ZNF808: variants seen among roughly 807,000 people sequenced by gnomAD.
The protein encoded by ZNF808 is zinc finger protein 808.
Under a neutral mutation model 8.7 loss-of-function variants are expected in ZNF808, and 5 were observed. The ratio of observed to expected loss-of-function variants is 0.58; its 90% confidence interval spans 0.30 to 1.21. The LOEUF (loss-of-function observed/expected upper bound fraction) is 1.21. Among genes scored for constraint, ZNF808 ranks in the 50% most tolerant of loss-of-function variants. The pLI is 0.07. For synonymous variants in ZNF808, 380 were observed against 366.0 expected, an observed-to-expected ratio of 1.04 and a Z score of -0.44; for missense variants, 1,103 against 1,098.4, an observed-to-expected ratio of 1.00 and a Z score of -0.06.
intron 2 of ZNF808, among the ~76,000 whole-genome samples, chr19:52,542,171 G>T (rs1414994549): frequency 2.6e-5 from 4 of 151,374 alleles, no homozygotes; most frequent in Admixed American, 2.0e-4. Flanking sequence ...TCAGTTCACT[G>T]CAACTTCTGA....
intron 2 of ZNF808, among the ~76,000 whole-genome samples, chr19:52,542,965 G>T (rs563821461): frequency 7.9e-5 from 12 of 151,064 alleles, no homozygotes; most frequent in African/African-American, 1.5e-4. Context: ...TTTTGGGGGG[G>T]GGGTGGAGGC....
At chr19:52,556,837 T>G (rs1243706688), downstream of ZNF808, 2 of 152,192 alleles carry the variant, frequency 1.3e-5, no homozygotes, top group Non-Finnish European at 2.9e-5. Context: ...TTATGTCATT[T>G]GTTAAAATCT....
intron 2 of ZNF808, among the ~76,000 whole-genome samples, chr19:52,541,269 G>A (rs1009981299): frequency 1.6e-4 from 24 of 148,418 alleles, no homozygotes; most frequent in Non-Finnish European, 2.5e-4. Context: ...TTTTTAAACC[G>A]TTTTTAAATA....
chr19:52,565,444 C>G (rs551911873), downstream of ZNF808, among the ~76,000 whole-genome samples: 3 of 152,066 alleles, frequency 2.0e-5, no homozygotes, highest in Non-Finnish European at 4.4e-5. Flanking sequence ...AGGACTAAAC[C>G]AAAAATCTAC....
intron 3 of ZNF808, among the ~76,000 whole-genome samples, chr19:52,546,402 G>T (rs112043837): frequency 4.9e-4 from 75 of 152,114 alleles, no homozygotes; most frequent in East Asian, 4.6e-3. Flanking sequence ...TCCCAGGCGG[G>T]TCTCAAACTC....
chr19:52,557,287 A>G (rs758891004), downstream of ZNF808, among the ~76,000 whole-genome samples: 5 of 133,598 alleles, frequency 3.7e-5, no homozygotes, highest in Admixed American at 7.9e-5. Context: ...TTTTTTTGAG[A>G]TGGAGTTTTG....
At chr19:52,546,069 T>C (rs1427413918) in intron 3 of ZNF808, among the ~76,000 whole-genome samples, 1 of 152,240 alleles carries the variant, frequency 6.6e-6, no homozygotes, top group African/African-American at 2.4e-5. Flanking sequence ...AGTACAGATC[T>C]TTCTTCATGG....
chr19:52,553,035 C>T (rs1179985212), intron 4 of ZNF808, 72 bp from the exon 5 acceptor site: 12 of 1,422,218 alleles, frequency 8.4e-6, no homozygotes, highest in Admixed American at 8.0e-5. Flanking sequence ...TTTTTTGTGT[C>T]ATATTTACAC....
At chr19:52,542,157 G>C (rs2059677362) in intron 2 of ZNF808, among the ~76,000 whole-genome samples, 1 of 151,422 alleles carries the variant, frequency 6.6e-6, no homozygotes, top group Non-Finnish European at 1.5e-5. Flanking sequence ...GCAATGCCAC[G>C]ATCTCAGTTC....
chr19:52,561,192 CT>C (rs2059856011), downstream of ZNF808, among the ~76,000 whole-genome samples: 1 of 67,374 alleles, frequency 1.5e-5, no homozygotes, highest in East Asian at 3.3e-4. Flanking sequence ...CTCTCTCTCT[CT>C]CTCTCTCTCT....
At chr19:52,546,792 C>T (rs1321604694) in intron 3 of ZNF808, among the ~76,000 whole-genome samples, 1 of 149,574 alleles carries the variant, frequency 6.7e-6, no homozygotes, top group Admixed American at 6.7e-5. Context: ...TACAGGCCTG[C>T]GCCACAACAC....
At chr19:52,564,436 T>C (rs1033098718) in exon 4 of ZNF808, 1 of 279,496 alleles carries the variant, frequency 3.6e-6, no homozygotes, top group Non-Finnish European at 6.6e-6. Flanking sequence ...AAAAAAAATT[T>C]TAATGACATA....
At chr19:52,532,230 A>AT (rs988813801) in intron 1 of ZNF808, among the ~76,000 whole-genome samples, 236 of 145,694 alleles carry the variant, frequency 1.6e-3, no homozygotes, top group Middle Eastern at 3.6e-3. Flanking sequence ...TTGTATTAAC[A>AT]TTTTTTTTTT....
chr19:52,564,364 T>A lies in ZNF808; in HGVS notation c.*1469T>A, dbSNP rs146834913. ...GGGAATATATTTTTTTCTCTCTGAA[T>A]CTGTTATGAACGCATTGGTTGGGTG... On this transcript the variant is annotated 3_prime_UTR_variant and NMD_transcript_variant, in exon 4 of 4. Transcript: ENST00000487863. The A allele has an allele frequency of 1.9e-3, 996 of 521,460 alleles. 13 individuals are homozygous for A. The highest frequency in any genetic ancestry group is 0.018 in the African/African-American group (926 of 50,560). 32.3% of individuals were successfully genotyped at this position (521,460 alleles called of 1,614,324 possible).
chr19:52,533,878 A>G (rs1438256810), intron 2 of ZNF808, among the ~76,000 whole-genome samples: 1 of 150,994 alleles, frequency 6.6e-6, no homozygotes, highest in African/African-American at 2.4e-5. Context: ...GGCAAGCAAC[A>G]AGATAGATTG....
In ZNF808 at chr19:52,554,336, A is replaced by G; in HGVS notation, c.1420A>G (p.Arg474Gly). ...FTCNSQLARH[R>G]RIHTGEKTYK... is the part of the protein sequence containing the mutation. ...GTGTAATTCACAGCTGGCACGACAT[A>G]GAAGAATTCACACTGGAGAGAAAAC... Residue 474 changes from arginine (R) to glycine (G), a missense_variant, in exon 5 of 5, where the codon AGA (arginine) becomes GGA (glycine). Physicochemically the swap from Arg to Gly is moderately radical, Grantham distance 125. Transcript: ENST00000359798. The G allele has an allele frequency of 1.2e-6, 2 of 1,614,064 alleles. No homozygotes were observed. The highest frequency in any genetic ancestry group is 4.5e-5 in the East Asian group (2 of 44,836).
chr19:52,554,261 C>G lies in ZNF808; in HGVS notation c.1345C>G (p.His449Asp). 1 of 1,614,052 alleles carries G rather than the reference C, an allele frequency of 6.2e-7. No individual in the cohort carries two copies. The highest frequency in any genetic ancestry group is 8.5e-7 in the Non-Finnish European group (1 of 1,179,986). Residue 449 changes from histidine (H) to aspartate (D), a missense_variant, in exon 5 of 5, where the codon CAT (histidine) becomes GAT (aspartate). By Grantham distance (81) the His-to-Asp change is moderately conservative. Transcript: ENST00000359798. ...KSTLERHKRI[H>D]TGEKPYKCKV... Reference sequence around the variant, plus strand: ...AACCCTTGAGAGACATAAGAGAATTCATACTGGAGAGAAACCATACAAATG... The same window carrying G: ...AACCCTTGAGAGACATAAGAGAATTGATACTGGAGAGAAACCATACAAATG...
At chr19:52,552,598 A>G (rs1038775687) in intron 4 of ZNF808, among the ~76,000 whole-genome samples, 2 of 150,694 alleles carry the variant, frequency 1.3e-5, no homozygotes, top group African/African-American at 2.4e-5. Flanking sequence ...ATCTTTTCTT[A>G]TCTTCTCAGT....
downstream of ZNF808, among the ~76,000 whole-genome samples, chr19:52,557,773 T>A (rs1157268034): frequency 1.3e-5 from 2 of 152,188 alleles, no homozygotes; most frequent in African/African-American, 2.4e-5. Context: ...TAGGTATGCG[T>A]AAGATGCTTC....
Sources: gnomAD v4.1 joint callset for allele counts (sites outside exome capture counted in the v4.1 genomes callset) on GRCh38, gnomAD v4.1.1 for gene constraint, MANE v1.5 for transcripts, NCBI Gene and HGNC (gene_info 2026-07-23, HGNC 2026-07-21) for gene names.